SGCD: variants seen among roughly 807,000 people sequenced by gnomAD.
SGCD encodes the protein sarcoglycan delta.
Under a neutral mutation model 36.6 loss-of-function variants are expected in SGCD, and 18 were observed. The ratio of observed to expected loss-of-function variants is 0.49; its 90% CI spans 0.34 to 0.73. SGCD has a LOEUF of 0.73. Ranked by LOEUF, SGCD falls within the 30% of genes least tolerant of loss-of-function variation. The pLI, the probability that SGCD is intolerant of heterozygous loss-of-function variation, is 0.01. For synonymous variants in SGCD, 133 were observed against 130.6 expected (o/e 1.02, Z -0.12); for missense variants, 387 against 346.7 (o/e 1.12, Z -0.92).
At chr5:155,964,667 C>G (rs902888749) in intron 1 of SGCD, among the ~76,000 whole-genome samples, 5 of 152,042 alleles carry the variant, frequency 3.3e-5, no homozygotes, top group African/African-American at 1.2e-4. Flanking sequence ...TAAGATTCCT[C>G]ATTGCATAGA....
chr5:155,903,926 T>C (rs988191898), intron 1 of SGCD, among the ~76,000 whole-genome samples: 1 of 152,176 alleles, frequency 6.6e-6, no homozygotes, highest in African/African-American at 2.4e-5. Context: ...AGCAGGGCTT[T>C]AGAGCTTTGG....
intron 4 of SGCD, among the ~76,000 whole-genome samples, chr5:156,579,277 T>C (rs1251649147): frequency 1.3e-5 from 2 of 152,132 alleles, no homozygotes; most frequent in African/African-American, 4.8e-5. Flanking sequence ...ATCTGAGAGA[T>C]AGTTTGTTGT....
chr5:155,780,844 G>A, the SGCD span, among the ~76,000 whole-genome samples: 1 of 152,164 alleles, frequency 6.6e-6, no homozygotes, highest in Admixed American at 6.5e-5. Flanking sequence ...AAAGGACTCT[G>A]AGAAATATAA....
intron 1 of SGCD, among the ~76,000 whole-genome samples, chr5:156,098,078 C>T (rs1379986850): frequency 6.6e-6 from 1 of 152,204 alleles, no homozygotes; most frequent in Non-Finnish European, 1.5e-5. Flanking sequence ...TATTCTCTTA[C>T]AGGCACCCCC....
intron 7 of SGCD, among the ~76,000 whole-genome samples, chr5:156,650,438 C>G (rs1039839346): frequency 1.1e-4 from 17 of 152,036 alleles, no homozygotes; most frequent in African/African-American, 2.7e-4. Context: ...GATCCGTCAC[C>G]CAGGTAGTAA....
chr5:156,534,968 T>C (rs1758038604), intron 4 of SGCD, among the ~76,000 whole-genome samples: 1 of 152,230 alleles, frequency 6.6e-6, no homozygotes, highest in African/African-American at 2.4e-5. Flanking sequence ...ATAAGATTCC[T>C]TATATTCATC....
chr5:156,606,007 C>G (rs1165263531), intron 6 of SGCD, among the ~76,000 whole-genome samples: 1 of 152,192 alleles, frequency 6.6e-6, no homozygotes, highest in East Asian at 1.9e-4. Context: ...CCCGTTCACT[C>G]TGATGGTAGT....
intron 3 of SGCD, among the ~76,000 whole-genome samples, chr5:156,227,341 C>T (rs916293489): frequency 1.3e-5 from 2 of 152,006 alleles, no homozygotes; most frequent in African/African-American, 4.8e-5. Context: ...ATCTCAGCAC[C>T]GTTTGTTGAA....
At chr5:156,408,548 G>A (rs1287945927) in intron 3 of SGCD, among the ~76,000 whole-genome samples, 2 of 151,996 alleles carry the variant, frequency 1.3e-5, no homozygotes, top group African/African-American at 2.4e-5. Flanking sequence ...TAGTAGAGAC[G>A]GGATTTCACC....
intron 3 of SGCD, among the ~76,000 whole-genome samples, chr5:156,437,429 G>T: frequency 6.6e-6 from 1 of 152,108 alleles, no homozygotes; most frequent in Admixed American, 6.6e-5. Flanking sequence ...TATGGCAAAG[G>T]AGAGCTGACA....
intron 7 of SGCD, among the ~76,000 whole-genome samples, chr5:156,685,212 G>T (rs567243002): frequency 6.6e-6 from 1 of 152,018 alleles, no homozygotes; most frequent in East Asian, 1.9e-4. Flanking sequence ...GAGATGCGTC[G>T]CAGGGTAAGA....
chr5:156,493,917 G>A lies in SGCD; in HGVS notation c.193-14684G>A, dbSNP rs116244606. Among the ~76,000 whole-genome samples the A allele has an allele frequency of 4.8e-3, 729 of 152,082 alleles. 4 individuals carry two copies. Among genetic ancestry groups the A allele is most frequent in the African/African-American group, 0.016 (668 of 41,484 alleles). The stretch of plus-strand genomic sequence containing the variant: ...TCACATCTTTGTACCTGCCTCTCAC[G>A]GCCTTCATCCCACATCCTCTTGACA... On this transcript the variant is annotated intron_variant, in intron 3 of 8. Transcript: ENST00000337851.
rs940297449 is a variant in SGCD, at chr5:156,282,313, T to C, written c.-43-47221T>C. Among the ~76,000 whole-genome samples the C allele has an allele frequency of 5.9e-5, 9 of 152,294 alleles. No individual in the cohort carries two copies. The East Asian group carries it at 1.4e-3, about 23-fold the overall frequency. The stretch of plus-strand genomic sequence containing the variant: ...TGCTCATCCTGCTTTTATTTTCTGA[T>C]GCAACGCAAAACAGAGCTGTAGTGT... On this transcript the variant is annotated intron_variant, in intron 3 of 9. Transcript: ENST00000517913.
chr5:156,176,681 T>A (rs2311453), intron 3 of SGCD, among the ~76,000 whole-genome samples: 44,705 of 152,134 alleles, frequency 0.29, 7,002 homozygotes, highest in East Asian at 0.57. Flanking sequence ...TGAGTGCTTT[T>A]TAAAATCCTC....
At chr5:156,345,021 T>G (rs1768874158) in intron 3 of SGCD, among the ~76,000 whole-genome samples, 1 of 152,210 alleles carries the variant, frequency 6.6e-6, no homozygotes, top group African/African-American at 2.4e-5. Flanking sequence ...GTATTAAGTT[T>G]TCAGCAAGTG....
intron 7 of SGCD, among the ~76,000 whole-genome samples, chr5:156,688,532 A>G (rs1305235079): frequency 6.6e-6 from 1 of 152,224 alleles, no homozygotes; most frequent in Non-Finnish European, 1.5e-5. Flanking sequence ...AAACTCCCCA[A>G]ATTAACAGGA....
intron 3 of SGCD, among the ~76,000 whole-genome samples, chr5:156,379,472 G>C (rs1319062519): frequency 6.6e-6 from 1 of 152,164 alleles, no homozygotes; most frequent in Non-Finnish European, 1.5e-5. Context: ...GTGTCCTTCT[G>C]TGTGGCTGAA....
At chr5:156,559,864 A>G (rs1759198031) in intron 4 of SGCD, among the ~76,000 whole-genome samples, 1 of 152,228 alleles carries the variant, frequency 6.6e-6, no homozygotes, top group Non-Finnish European at 1.5e-5. Context: ...TTCTGAGGGT[A>G]CTGAGAACAC....
chr5:155,927,014 T>C (rs1280430978), intron 1 of SGCD, among the ~76,000 whole-genome samples: 1 of 152,156 alleles, frequency 6.6e-6, no homozygotes, highest in Admixed American at 6.5e-5. Flanking sequence ...CTAGATGTCC[T>C]ACAATCACAG....
Sources: gnomAD v4.1 joint callset for allele counts (sites outside exome capture counted in the v4.1 genomes callset) on GRCh38, gnomAD v4.1.1 for gene constraint, MANE v1.5 for transcripts, NCBI Gene and HGNC (gene_info 2026-07-23, HGNC 2026-07-21) for gene names.